CCDC39: variants seen among roughly 807,000 people sequenced by gnomAD.
CCDC39 encodes coiled-coil domain 39 molecular ruler complex subunit.
In CCDC39, 113 loss-of-function variants were observed where a neutral mutation model predicts 121.0. The ratio of observed to expected loss-of-function variants is 0.93; its 90% CI spans 0.80 to 1.09. The LOEUF (loss-of-function observed/expected upper bound fraction) is 1.09, where lower values mean the gene tolerates loss of function less well. CCDC39 is among the 50% of genes least tolerant of loss of function. The pLI is 0.00. For missense variants in CCDC39, 1,063 were observed against 1,074.7 expected (o/e 0.99, Z 0.15); for synonymous variants, 349 against 352.2 (o/e 0.99, Z 0.10).
At chr3:180,625,823 G>A (rs934979077) in intron 14 of CCDC39, among the ~76,000 whole-genome samples, 1 of 151,784 alleles carries the variant, frequency 6.6e-6, no homozygotes, top group African/African-American at 2.4e-5. Context: ...TTTTGCTGGG[G>A]TCTAGGATGC....
At chr3:180,657,419 T>C (rs1182839430) in intron 6 of CCDC39, among the ~76,000 whole-genome samples, 1 of 152,196 alleles carries the variant, frequency 6.6e-6, no homozygotes, top group Non-Finnish European at 1.5e-5. Context: ...GAAAACTGAT[T>C]GTGGATCCGT....
chr3:180,617,979 C>G (rs1277760567), intron 16 of CCDC39, among the ~76,000 whole-genome samples: 1 of 152,064 alleles, frequency 6.6e-6, no homozygotes, highest in Non-Finnish European at 1.5e-5. Flanking sequence ...ACAGGTGTAC[C>G]ATTTTTTTAA....
At chr3:180,649,163 A>G (rs537759464) in intron 9 of CCDC39, among the ~76,000 whole-genome samples, 104 of 152,260 alleles carry the variant, frequency 6.8e-4, no homozygotes, top group African/African-American at 2.5e-3. Flanking sequence ...GAGCACTACC[A>G]GCACACTACA....
chr3:180,622,781 T>C (rs1431369297), intron 14 of CCDC39, among the ~76,000 whole-genome samples: 2 of 152,110 alleles, frequency 1.3e-5, no homozygotes, highest in Non-Finnish European at 2.9e-5. Context: ...CATGGTGTAT[T>C]ATCTTCCTGA....
intron 11 of CCDC39, among the ~76,000 whole-genome samples, chr3:180,646,694 T>C (rs1249402456): frequency 6.6e-6 from 1 of 152,116 alleles, no homozygotes; most frequent in South Asian, 2.1e-4. Flanking sequence ...AACTTATCAA[T>C]GTTCTAAACA....
At chr3:180,617,133 T>C (rs1717277198) in intron 16 of CCDC39, among the ~76,000 whole-genome samples, 167 bp from the exon 17 acceptor site, 1 of 152,152 alleles carries the variant, frequency 6.6e-6, no homozygotes, top group Non-Finnish European at 1.5e-5. Flanking sequence ...ATGGACTGTA[T>C]ATATGATGGT....
chr3:180,651,625 A>G, intron 8 of CCDC39, 92 bp from the exon 9 acceptor site: 3 of 1,251,296 alleles, frequency 2.4e-6, no homozygotes, highest in Non-Finnish European at 3.2e-6. Context: ...TTATTTGTAT[A>G]ACTTGAAGGG....
chr3:180,674,426 A>T (rs1712134601), intron 1 of CCDC39, among the ~76,000 whole-genome samples: 1 of 152,188 alleles, frequency 6.6e-6, no homozygotes, highest in African/African-American at 2.4e-5. Flanking sequence ...ATCTGCAAAC[A>T]GGGACAATTT....
At chr3:180,664,698 C>G (rs1033000761) in intron 1 of CCDC39, among the ~76,000 whole-genome samples, 1 of 137,346 alleles carries the variant, frequency 7.3e-6, no homozygotes, top group African/African-American at 2.7e-5. Flanking sequence ...CACAAGAGAT[C>G]TTTTTTTTTT....
chr3:180,620,397 G>A (rs926359153), intron 14 of CCDC39, among the ~76,000 whole-genome samples: 3 of 151,848 alleles, frequency 2.0e-5, no homozygotes, highest in Admixed American at 2.0e-4. Flanking sequence ...AAAATGGCAT[G>A]TATTTTGCCA....
chr3:180,632,303 A>G (rs1455179057), intron 13 of CCDC39, among the ~76,000 whole-genome samples: 2 of 152,176 alleles, frequency 1.3e-5, no homozygotes. Flanking sequence ...TTTATATTTT[A>G]TGAGCTATTT....
intron 14 of CCDC39, among the ~76,000 whole-genome samples, chr3:180,620,723 G>A (rs1717411291): frequency 6.6e-6 from 1 of 151,994 alleles, no homozygotes; most frequent in Non-Finnish European, 1.5e-5. Context: ...TTAGATGTAT[G>A]TATTTAAACC....
At chr3:180,635,105 A>G (rs1475398114) in intron 13 of CCDC39, among the ~76,000 whole-genome samples, 1 of 152,206 alleles carries the variant, frequency 6.6e-6, no homozygotes, top group Non-Finnish European at 1.5e-5. Flanking sequence ...GCAAGGGGGA[A>G]GCAGCATCTT....
intron 13 of CCDC39, among the ~76,000 whole-genome samples, chr3:180,636,324 A>T (rs1195680737): frequency 6.6e-6 from 1 of 152,222 alleles, no homozygotes; most frequent in Admixed American, 6.5e-5. Context: ...CCAAGCCAAT[A>T]GCCAAATCAG....
At chr3:180,624,138 C>G (rs950371692) in intron 14 of CCDC39, among the ~76,000 whole-genome samples, 1 of 152,020 alleles carries the variant, frequency 6.6e-6, no homozygotes, top group African/African-American at 2.4e-5. Flanking sequence ...TTGTTATATC[C>G]TCTTGCAGAA....
chr3:180,663,643 C>A (rs2108430908), intron 2 of CCDC39, among the ~76,000 whole-genome samples: 1 of 149,820 alleles, frequency 6.7e-6, no homozygotes, highest in Non-Finnish European at 1.5e-5. Flanking sequence ...GTACTCCAGC[C>A]TAGGAAACAG....
At chr3:180,628,283 T>C (rs1253915086) in intron 14 of CCDC39, among the ~76,000 whole-genome samples, 3 of 152,158 alleles carry the variant, frequency 2.0e-5, no homozygotes, top group African/African-American at 7.2e-5. Flanking sequence ...CAATCTTGGC[T>C]CACTGCAAGC....
intron 14 of CCDC39, among the ~76,000 whole-genome samples, chr3:180,630,830 T>C (rs549103736): frequency 9.2e-5 from 14 of 152,122 alleles, no homozygotes; most frequent in Non-Finnish European, 1.6e-4. Context: ...AATATCATAT[T>C]ATAGGGATAT....
At chr3:180,662,815 ATACT>A (rs1224592481) in intron 2 of CCDC39, among the ~76,000 whole-genome samples, 4 of 152,312 alleles carry the variant, frequency 2.6e-5, no homozygotes, top group African/African-American at 9.6e-5. Flanking sequence ...AAGTCATGAA[ATACT>A]TATCTATATT....
Sources: allele counts gnomAD v4.1 joint callset (sites outside exome capture counted in the v4.1 genomes callset), GRCh38; gene constraint gnomAD v4.1.1; transcripts MANE v1.5; gene names NCBI Gene and HGNC (gene_info 2026-07-23, HGNC 2026-07-21).